SLC16A5: variants seen among roughly 807,000 people sequenced by gnomAD.
The protein encoded by SLC16A5 is solute carrier family 16 member 5, also known as monocarboxylate transporter 6.
Under a neutral mutation model 33.2 loss-of-function variants are expected in SLC16A5, and 29 were observed. That is an observed-to-expected ratio of 0.87 (90% CI 0.65 to 1.19). The LOEUF (loss-of-function observed/expected upper bound fraction) is 1.19, where lower values mean the gene tolerates loss of function less well. Among genes scored for constraint, SLC16A5 ranks in the 50% most tolerant of loss-of-function variants. SLC16A5 has a pLI of 0.00. For synonymous variants in SLC16A5, 248 were observed against 284.1 expected (o/e 0.87, Z 1.28); for missense variants, 606 against 678.2 (o/e 0.89, Z 1.18).
downstream of SLC16A5, among the ~76,000 whole-genome samples, chr17:75,106,439 C>T (rs1421696420): frequency 6.6e-6 from 1 of 152,018 alleles, no homozygotes; most frequent in Non-Finnish European, 1.5e-5. Context: ...AATGAGCCCA[C>T]TTCCTGAAAA....
At chr17:75,092,028 GGTGT>G (rs535726400) in intron 2 of SLC16A5, among the ~76,000 whole-genome samples, 25 of 149,604 alleles carry the variant, frequency 1.7e-4, no homozygotes, top group Admixed American at 1.3e-4. Context: ...ATGTGAGGGG[GGTGT>G]GTGTGTGTGT....
At chr17:75,104,992 T>C in intron 6 of SLC16A5, 1 of 985,468 alleles carries the variant, frequency 1.0e-6, no homozygotes, top group Non-Finnish European at 1.2e-6. Flanking sequence ...CATACCGTTC[T>C]GAAGAGCTCA....
chr17:75,094,541 C>T (rs1299798781), intron 3 of SLC16A5, among the ~76,000 whole-genome samples: 1 of 151,924 alleles, frequency 6.6e-6, no homozygotes, highest in Non-Finnish European at 1.5e-5. Flanking sequence ...ACAAAATTAG[C>T]TGGGCGTGGT....
intron 3 of SLC16A5, among the ~76,000 whole-genome samples, chr17:75,096,769 C>A (rs1480688468): frequency 6.8e-6 from 1 of 146,072 alleles, no homozygotes; most frequent in South Asian, 2.2e-4. Flanking sequence ...TGACTTCAGG[C>A]GATCCACCTG....
At chr17:75,094,021 G>A (rs1012084757) in intron 3 of SLC16A5, among the ~76,000 whole-genome samples, 186 bp downstream of exon 3, 9 of 152,208 alleles carry the variant, frequency 5.9e-5, no homozygotes, top group Non-Finnish European at 1.2e-4. Flanking sequence ...CTGGAGCCGG[G>A]GAGAGAGTGG....
At position 75,104,851 on chromosome 17, in the gene SLC16A5, GC is replaced by G. The variant is rs2073844077; in HGVS notation, c.1364+674del. ...TCGGGGCCCAGGAACCTGGGTCTGA[GC>G]CCTGCTCAGGTTTGTCCCAGCCGGC... is the stretch of plus-strand genomic sequence containing the variant. On this transcript the variant is annotated intron_variant, in intron 6 of 6. Transcript: ENST00000329783. 4 of 985,336 alleles carry G rather than the reference GC, an allele frequency of 4.1e-6. No homozygotes were observed. The South Asian group carries it at 1.9e-4, about 46-fold the overall frequency. The allele number at this position is 985,336 out of a possible 1,614,324, so 61.0% of individuals were successfully genotyped here.
rs1246647548 is a variant in SLC16A5 at position 75,103,969 on chromosome 17, G to T, written c.1154-1G>T. ...GGCCTAACTTGATCTCTGTTCCCCA[G>T]GGTTGCTCCTGGACGCCACCAACAA... is the stretch of plus-strand genomic sequence containing the variant. On this transcript the variant is annotated splice_acceptor_variant, in intron 5 of 6. Coordinates refer to ENST00000329783, the MANE Select transcript of SLC16A5 (RefSeq NM_004695.4). LOFTEE classifies it high-confidence loss of function. The T allele has an allele frequency of 4.3e-6, 7 of 1,613,796 alleles. No homozygotes were observed. Among genetic ancestry groups the T allele is most frequent in the Non-Finnish European group, 5.9e-6 (7 of 1,179,726 alleles).
chr17:75,098,692 T>TTCTG (rs143801301), intron 4 of SLC16A5, among the ~76,000 whole-genome samples: 2 of 151,292 alleles, frequency 1.3e-5, no homozygotes, highest in Non-Finnish European at 2.9e-5. Context: ...GACAGGCTTT[T>TTCTG]TTTGTTTGTT....
intron 1 of SLC16A5, among the ~76,000 whole-genome samples, chr17:75,088,722 A>G (rs1370274724): frequency 6.6e-6 from 1 of 152,070 alleles, no homozygotes; most frequent in Non-Finnish European, 1.5e-5. Flanking sequence ...ATGGGAGAAG[A>G]GCTGGGAAGA....
At chr17:75,096,108 G>A (rs1196772245) in intron 3 of SLC16A5, among the ~76,000 whole-genome samples, 5 of 151,928 alleles carry the variant, frequency 3.3e-5, no homozygotes, top group African/African-American at 1.2e-4. Flanking sequence ...CCTGACCACA[G>A]TATTGTAGAA....
In SLC16A5 at chr17:75,105,926, CT is replaced by C. The variant is rs748694081; in HGVS notation, c.1414del (p.Trp472GlyfsTer39). The C allele has an allele frequency of 5.0e-6, 8 of 1,611,886 alleles. No homozygotes were observed. Among genetic ancestry groups the C allele is most frequent in the Non-Finnish European group, 5.1e-6 (6 of 1,178,428 alleles). ...QPRPAGVNKH[L>X]WGCPASSRTS... Reference sequence around the variant, plus strand: ...ACGTCCAGCTGGCGTCAATAAGCATCTTTGGGGATGTCCTGCCTCCTCCAGG... The same window carrying C: ...ACGTCCAGCTGGCGTCAATAAGCATCTTGGGGATGTCCTGCCTCCTCCAGG... On this transcript the variant is annotated frameshift_variant, in exon 7 of 7. Transcript: ENST00000329783. LOFTEE classifies it low-confidence loss of function (END_TRUNC).
intron 2 of SLC16A5, among the ~76,000 whole-genome samples, chr17:75,092,900 T>C (rs536987712): frequency 1.3e-5 from 2 of 151,776 alleles, no homozygotes; most frequent in African/African-American, 4.8e-5. Context: ...GTCTTGGCCT[T>C]GAGCTCTGTT....
At chr17:75,092,628 T>A (rs1259661273) in intron 2 of SLC16A5, among the ~76,000 whole-genome samples, 1 of 151,892 alleles carries the variant, frequency 6.6e-6, no homozygotes, top group East Asian at 1.9e-4. Context: ...CCCGGCCAAG[T>A]GTGTGTCTTT....
intron 2 of SLC16A5, chr17:75,090,462 C>CTTT (rs71159429): frequency 7.4e-5 from 9 of 122,328 alleles, no homozygotes; most frequent in African/African-American, 2.7e-4. Context: ...CTTTTCTTTT[C>CTTT]TTTTTTTTTT....
In SLC16A5 at chr17:75,094,684, C is replaced by CA. The variant is rs10642740; in HGVS notation, c.199+862dup. Among the ~76,000 whole-genome samples the CA allele has an allele frequency of 7.4e-3, 1,030 of 139,510 alleles. 19 individuals carry two copies. The highest frequency in any genetic ancestry group is 0.025 in the African/African-American group (932 of 37,632). The allele number at this position is 139,510 out of a possible 152,430, so 91.5% of individuals were successfully genotyped here. A position where few individuals can be genotyped will look rare whatever the true frequency, so the allele number is the denominator to read the frequency against. On this transcript the variant is annotated intron_variant, in intron 3 of 6. Coordinates refer to ENST00000329783, the MANE Select transcript of SLC16A5 (RefSeq NM_004695.4). The stretch of plus-strand genomic sequence containing the variant: ...CTGGGCAACAAGAGTGAAACTGTCT[C>CA]AAAAAAAAAAAAAGACACCAGGAAC...
At chr17:75,102,956 T>G (rs554692465) in intron 5 of SLC16A5, among the ~76,000 whole-genome samples, 3 of 152,122 alleles carry the variant, frequency 2.0e-5, no homozygotes, top group African/African-American at 7.2e-5. Context: ...AGTGGCGTGA[T>G]CTCAGCTCAC....
Position 75,100,391 on chromosome 17 carries a change from TG to T in SLC16A5, c.731del (p.Gly244ValfsTer2). ...RHNTGYCVYI[L>X]GVMWSVLGFP... is the part of the protein sequence containing the mutation. The stretch of plus-strand genomic sequence containing the variant: ...AACACAGGCTACTGCGTGTACATAC[TG>T]GGTGTGATGTGGTCCGTCCTGGGCT... On this transcript the variant is annotated frameshift_variant, in exon 5 of 7. Coordinates refer to ENST00000329783, the MANE Select transcript of SLC16A5 (RefSeq NM_004695.4). LOFTEE classifies it high-confidence loss of function. The T allele has an allele frequency of 6.2e-7, 1 of 1,614,214 alleles. No individual in the cohort carries two copies. The highest frequency in any genetic ancestry group is 8.5e-7 in the Non-Finnish European group (1 of 1,180,042).
chr17:75,094,629 T>A (rs1391081430), intron 3 of SLC16A5, among the ~76,000 whole-genome samples: 6 of 148,706 alleles, frequency 4.0e-5, no homozygotes, highest in Non-Finnish European at 4.4e-5. Context: ...GAGGTTGCGG[T>A]GAGCTGAGAT....
In SLC16A5 at chr17:75,104,115, C is replaced by T; in HGVS notation, c.1299C>T (p.Ala433=). ...EQGKQAVAAD[A]LERDLFLEAK... ...GCAAGCAGGCTGTCGCGGCGGATGC[C>T]CTGGAGCGGGATCTTTTCTTGGAAG... is the stretch of plus-strand genomic sequence containing the variant. The change falls in exon 6 of 7, where the codon GCC becomes GCT. Residue 433 remains alanine (A), a synonymous_variant. Coordinates refer to ENST00000329783, the MANE Select transcript of SLC16A5 (RefSeq NM_004695.4). 1 of 1,614,214 alleles carries T rather than the reference C, an allele frequency of 6.2e-7. No homozygotes were observed.
Sources: allele counts gnomAD v4.1 joint callset (sites outside exome capture counted in the v4.1 genomes callset), GRCh38; gene constraint gnomAD v4.1.1; transcripts MANE v1.5; gene names NCBI Gene and HGNC (gene_info 2026-07-23, HGNC 2026-07-21).